The following DPP10 variants were observed in gnomAD, a reference collection of about 807,000 sequenced individuals.
The protein encoded by DPP10 is dipeptidyl peptidase like 10, also known as inactive dipeptidyl peptidase 10.
A neutral mutation model predicts 120.9 loss-of-function variants in DPP10; 33 were observed. The ratio of observed to expected loss-of-function variants is 0.27; its 90% CI spans 0.21 to 0.37. The LOEUF is 0.37. Ranked by LOEUF, DPP10 falls within the 10% of genes least tolerant of loss-of-function variation. The pLI is 1.00. For missense variants in DPP10, 816 were observed against 942.8 expected (o/e 0.87, Z 1.76); for synonymous variants, 337 against 326.1 (o/e 1.03, Z -0.36).
chr2:115,334,226 C>CTTTTTTTTTTTTTTTT (rs1574464582), intron 2 of DPP10, among the ~76,000 whole-genome samples: 1 of 23,892 alleles, frequency 4.2e-5, no homozygotes, highest in Non-Finnish European at 1.2e-4. Flanking sequence ...CCAGAGCAGA[C>CTTTTTTTTTTTTTTTT]TCTGTTTTTT....
intron 2 of DPP10, among the ~76,000 whole-genome samples, chr2:115,334,021 G>T (rs1252919746): frequency 1.3e-5 from 2 of 151,804 alleles, no homozygotes; most frequent in Admixed American, 1.3e-4. Context: ...CCTCTGATTG[G>T]TGTACTTGAA....
intron 4 of DPP10, among the ~76,000 whole-genome samples, chr2:115,505,589 C>T (rs1404785303): frequency 6.6e-6 from 1 of 152,174 alleles, no homozygotes; most frequent in Non-Finnish European, 1.5e-5. Flanking sequence ...GTCAGTCCAT[C>T]TTGAGCAAGT....
Position 115,507,823 on chromosome 2 carries a change from T to G in DPP10, c.366+8219T>G, listed in dbSNP as rs187129994. On this transcript the variant is annotated intron_variant, in intron 4 of 25. Coordinates refer to ENST00000410059, the MANE Select transcript of DPP10 (RefSeq NM_020868.6). ...ATTAAAGTAGAAACTGAGAGACCAT[T>G]CTGAAGGCTATTGCAGTGGTACAAG... Among the ~76,000 whole-genome samples the G allele has an allele frequency of 1.3e-3, 193 of 152,232 alleles. 2 individuals carry two copies. Among genetic ancestry groups the G allele is most frequent in the African/African-American group, 4.6e-3 (190 of 41,554 alleles).
At position 115,286,661 on chromosome 2, in the gene DPP10, G is replaced by A. The variant is rs77266913; in HGVS notation, c.61-22578G>A. On this transcript the variant is annotated intron_variant, in intron 1 of 25. Coordinates refer to ENST00000410059, the MANE Select transcript of DPP10 (RefSeq NM_020868.6). The stretch of plus-strand genomic sequence containing the variant: ...TGTCGAGGAAGGAGGTAAGGGTGTG[G>A]ATTAAAAGTTTTGGAGGTGAGATGA... Among the ~76,000 whole-genome samples, 937 of 148,668 alleles carry A rather than the reference G, an allele frequency of 6.3e-3. 9 individuals are homozygous for A. The highest frequency in any genetic ancestry group is 0.022 in the African/African-American group (878 of 40,568).
At chr2:114,966,163 T>A (rs1177050512) in intron 1 of DPP10, among the ~76,000 whole-genome samples, 1 of 152,040 alleles carries the variant, frequency 6.6e-6, no homozygotes, top group Admixed American at 6.6e-5. Context: ...TATGATTCAC[T>A]GCAACCTCCA....
At chr2:114,837,283 T>C (rs1300524148) in intron 1 of DPP10, among the ~76,000 whole-genome samples, 1 of 152,160 alleles carries the variant, frequency 6.6e-6, no homozygotes, top group Non-Finnish European at 1.5e-5. Flanking sequence ...TAAATGTACA[T>C]GAAATCTTCA....
intron 5 of DPP10, among the ~76,000 whole-genome samples, chr2:115,547,357 T>TGAGAGTATTTAAGACTTCCGTGA (rs2079573272): frequency 6.6e-6 from 1 of 152,176 alleles, no homozygotes; most frequent in South Asian, 2.1e-4. Flanking sequence ...ACTTTGTAAA[T>TGAGAGTATTTAAGACTTCCGTGA]GAGAGTATTT....
At chr2:115,496,371 A>G (rs1357178852) in intron 3 of DPP10, among the ~76,000 whole-genome samples, 1 of 119,502 alleles carries the variant, frequency 8.4e-6, no homozygotes, top group Non-Finnish European at 1.9e-5. Context: ...GTATTTACAA[A>G]TCTCAATTCT....
intron 1 of DPP10, among the ~76,000 whole-genome samples, chr2:114,588,326 A>C (rs1295371857): frequency 6.6e-6 from 1 of 152,246 alleles, no homozygotes; most frequent in Non-Finnish European, 1.5e-5. Flanking sequence ...AAATTACCAA[A>C]TAGTCACAAA....
At chr2:114,831,874 T>TA (rs1687163102) in intron 1 of DPP10, among the ~76,000 whole-genome samples, 1 of 133,532 alleles carries the variant, frequency 7.5e-6, no homozygotes, top group East Asian at 2.2e-4. Context: ...ATATATATAA[T>TA]ATATATGTAT....
chr2:115,067,937 T>G (rs1001024237), intron 1 of DPP10, among the ~76,000 whole-genome samples: 7 of 150,860 alleles, frequency 4.6e-5, no homozygotes, highest in Admixed American at 1.3e-4. Flanking sequence ...GGGTGTGTGT[T>G]TTTGTGTCTG....
At chr2:115,460,298 C>T (rs985274627) in intron 3 of DPP10, among the ~76,000 whole-genome samples, 1 of 152,090 alleles carries the variant, frequency 6.6e-6, no homozygotes, top group Non-Finnish European at 1.5e-5. Context: ...CTTTCTTTCT[C>T]TCCCTATTAG....
chr2:115,535,051 A>G (rs1351533018), intron 5 of DPP10, among the ~76,000 whole-genome samples: 1 of 148,914 alleles, frequency 6.7e-6, no homozygotes. Flanking sequence ...ATTTTCTCCC[A>G]TTTTGTAGGT....
At chr2:115,555,927 T>A (rs1026469715) in intron 5 of DPP10, among the ~76,000 whole-genome samples, 1 of 152,114 alleles carries the variant, frequency 6.6e-6, no homozygotes, top group African/African-American at 2.4e-5. Flanking sequence ...ACTTCTAGCT[T>A]CTTTATTGGC....
intron 1 of DPP10, among the ~76,000 whole-genome samples, chr2:114,553,347 A>C (rs1688039450): frequency 6.6e-6 from 1 of 152,192 alleles, no homozygotes; most frequent in African/African-American, 2.4e-5. Flanking sequence ...TTGGATCCAC[A>C]GCTGGAGTTG....
At chr2:115,597,878 C>G (rs2083083754) in intron 5 of DPP10, among the ~76,000 whole-genome samples, 1 of 151,950 alleles carries the variant, frequency 6.6e-6, no homozygotes. Flanking sequence ...GTGTTACTCT[C>G]AAACTATGAT....
intron 1 of DPP10, among the ~76,000 whole-genome samples, chr2:115,100,818 T>A (rs1364969224): frequency 6.6e-6 from 1 of 152,196 alleles, no homozygotes; most frequent in Non-Finnish European, 1.5e-5. Context: ...TATCTCCTTT[T>A]TCTCAGTCAT....
At chr2:115,163,830 TGCAGAA>T (rs1321286093) in intron 1 of DPP10, among the ~76,000 whole-genome samples, 2 of 152,022 alleles carry the variant, frequency 1.3e-5, no homozygotes. Context: ...GGAAGTGGGA[TGCAGAA>T]GCAGAGCAGA....
chr2:114,880,791 A>G (rs1691538618), intron 1 of DPP10, among the ~76,000 whole-genome samples: 1 of 152,212 alleles, frequency 6.6e-6, no homozygotes, highest in Non-Finnish European at 1.5e-5. Flanking sequence ...AAATGCAGTA[A>G]TATGAATGAA....
Sources: gnomAD v4.1 joint callset for allele counts (sites outside exome capture counted in the v4.1 genomes callset) on GRCh38, gnomAD v4.1.1 for gene constraint, MANE v1.5 for transcripts, NCBI Gene and HGNC (gene_info 2026-07-23, HGNC 2026-07-21) for gene names.